PEX14: variants seen among roughly 807,000 people sequenced by gnomAD.
The protein encoded by PEX14 is peroxisomal biogenesis factor 14.
Under a neutral mutation model 49.5 loss-of-function variants are expected in PEX14, and 15 were observed. The ratio of observed to expected loss-of-function variants is 0.30; its 90% CI spans 0.20 to 0.47. PEX14 has a LOEUF of 0.47. Among genes scored for constraint, PEX14 ranks in the 20% least tolerant of loss-of-function variants. PEX14 has a pLI of 1.00. For synonymous variants in PEX14, 210 were observed against 212.7 expected (o/e 0.99, Z 0.11); for missense variants, 398 against 494.8 (o/e 0.80, Z 1.86).
intron 2 of PEX14, among the ~76,000 whole-genome samples, chr1:10,519,361 A>T (rs1642026435): frequency 6.6e-6 from 1 of 152,062 alleles, no homozygotes; most frequent in Admixed American, 6.5e-5. Context: ...AAGCAAACAG[A>T]ATGCTCTTTG....
intron 3 of PEX14, among the ~76,000 whole-genome samples, chr1:10,563,035 C>T (rs1028771453): frequency 2.7e-5 from 4 of 150,880 alleles, no homozygotes; most frequent in Non-Finnish European, 4.4e-5. Context: ...CCTCAGCCTC[C>T]TGAGTAGCTG....
rs1640856158 is a variant in PEX14, at chr1:10,597,335, A to ATTAAC, written c.170-1903_170-1902insTTAAC. Among the ~76,000 whole-genome samples, 1 of 152,220 alleles carries ATTAAC rather than the reference A, an allele frequency of 6.6e-6. No individual in the cohort carries two copies. Reference sequence around the variant, plus strand: ...CTAATGGCTGATTATGAACTGGTTAAAACAATGTCTTTCCCACCAGGGCTC... The same window carrying ATTAAC: ...CTAATGGCTGATTATGAACTGGTTAATTAACAACAATGTCTTTCCCACCAGGGCTC... On this transcript the variant is annotated intron_variant, in intron 3 of 8. Transcript: ENST00000356607. This position sits in a 1 kb window ranked among gnomAD's most constrained non-coding sequence, Gnocchi z 5.7.
At chr1:10,618,455 G>T in intron 5 of PEX14, 38 bp downstream of exon 5, 1 of 1,482,932 alleles carries the variant, frequency 6.7e-7, no homozygotes, top group Non-Finnish European at 9.4e-7. Flanking sequence ...CTGTGCCCCT[G>T]CCACCCTGTG....
chr1:10,551,682 A>G (rs931082499), intron 3 of PEX14, among the ~76,000 whole-genome samples: 1 of 152,244 alleles, frequency 6.6e-6, no homozygotes, highest in Non-Finnish European at 1.5e-5. Context: ...TCACTTGTGA[A>G]TGATGCATTG....
At position 10,487,481 on chromosome 1, in the gene PEX14, C is replaced by CTTTTTTTT. The variant is rs33968565; in HGVS notation, c.37-7778_37-7771dup. Reference sequence around the variant, plus strand: ...ATACTTTATTACTTTTTCTTTCTTTCTTTTTTTTTTTTTTTTTTTTTTGAG... The same window carrying CTTTTTTTT: ...ATACTTTATTACTTTTTCTTTCTTTCTTTTTTTTTTTTTTTTTTTTTTTTTTTTTTGAG... On this transcript the variant is annotated intron_variant, in intron 1 of 8. Coordinates refer to ENST00000356607, the MANE Select transcript of PEX14 (RefSeq NM_004565.3). 3.4e-3 allele frequency among the ~76,000 whole-genome samples: 296 copies of CTTTTTTTT among 86,748 alleles called. 1 individual carries two copies. The highest frequency in any genetic ancestry group is 0.014 in the Middle Eastern group (1 of 74). 56.9% of individuals were successfully genotyped at this position (86,748 alleles called of 152,430 possible).
intron 2 of PEX14, among the ~76,000 whole-genome samples, chr1:10,500,241 T>TA (rs1280986298): frequency 0.05 from 6,934 of 137,814 alleles, 547 homozygotes; most frequent in African/African-American, 0.17. Flanking sequence ...CGTCTCTACT[T>TA]AAAAAAAAAA....
intron 3 of PEX14, among the ~76,000 whole-genome samples, chr1:10,587,089 A>G (rs1640515616): frequency 6.6e-6 from 1 of 152,158 alleles, no homozygotes. Context: ...CACCGTGGGA[A>G]AATTCATTAA....
chr1:10,540,801 C>T (rs1260891709), intron 3 of PEX14, among the ~76,000 whole-genome samples: 1 of 152,110 alleles, frequency 6.6e-6, no homozygotes, highest in Non-Finnish European at 1.5e-5. Context: ...TGCGTGTGGC[C>T]CATTTCCTCA....
At chr1:10,563,796 C>T in intron 3 of PEX14, among the ~76,000 whole-genome samples, 1 of 151,970 alleles carries the variant, frequency 6.6e-6, no homozygotes, top group East Asian at 1.9e-4. Context: ...CCTGTAGTTC[C>T]AGCTACTCGG....
At chr1:10,601,668 G>C (rs994312343) in intron 4 of PEX14, among the ~76,000 whole-genome samples, 1 of 152,178 alleles carries the variant, frequency 6.6e-6, no homozygotes, top group Non-Finnish European at 1.5e-5. Context: ...CCTGTATTTG[G>C]GCTACTGGGT....
At chr1:10,535,404 C>T (rs1638770272) in intron 2 of PEX14, among the ~76,000 whole-genome samples, 1 of 152,230 alleles carries the variant, frequency 6.6e-6, no homozygotes, top group African/African-American at 2.4e-5. Flanking sequence ...ATCTGTCAAT[C>T]TGTCAGCTTT....
At chr1:10,509,415 C>T (rs904890946) in intron 2 of PEX14, among the ~76,000 whole-genome samples, 1 of 152,180 alleles carries the variant, frequency 6.6e-6, no homozygotes, top group Non-Finnish European at 1.5e-5. Flanking sequence ...ATTATTATTT[C>T]TATTGGATTT....
intron 4 of PEX14, among the ~76,000 whole-genome samples, chr1:10,610,810 A>G (rs1641258955): frequency 6.6e-6 from 1 of 151,990 alleles, no homozygotes; most frequent in South Asian, 2.1e-4. Flanking sequence ...AAATGGGTAT[A>G]TTTTAGACTT....
At chr1:10,583,668 G>GTCA (rs149967263) in intron 3 of PEX14, among the ~76,000 whole-genome samples, 3 of 3,370 alleles carry the variant, frequency 8.9e-4, no homozygotes, top group East Asian at 4.5e-3. Flanking sequence ...ATATAAACAT[G>GTCA]AGTAAGAGCA....
chr1:10,531,212 C>A lies in PEX14; in HGVS notation c.85-5001C>A, dbSNP rs141876865. Among the ~76,000 whole-genome samples the A allele has an allele frequency of 9.9e-5, 15 of 152,238 alleles. 1 individual carries two copies. In the East Asian group the frequency reaches 2.9e-3, roughly 29 times the overall value. ...TGAGATATATAGCTTCATAATTAGC[C>A]CGTTGCATTTTTTCACGAGTGCTAG... is the stretch of plus-strand genomic sequence containing the variant. On this transcript the variant is annotated intron_variant, in intron 2 of 8. Transcript: ENST00000356607.
At chr1:10,589,706 C>T (rs1233758391) in intron 3 of PEX14, among the ~76,000 whole-genome samples, 1 of 152,158 alleles carries the variant, frequency 6.6e-6, no homozygotes, top group East Asian at 1.9e-4. Flanking sequence ...AGCCACTGAG[C>T]CTGGCTTTCT....
At chr1:10,551,240 C>T (rs1158048196) in intron 3 of PEX14, among the ~76,000 whole-genome samples, 2 of 152,226 alleles carry the variant, frequency 1.3e-5, no homozygotes, top group South Asian at 2.1e-4. Context: ...TATTGAATTT[C>T]GCCAAAAATG....
At position 10,514,322 on chromosome 1, in the gene PEX14, G is replaced by A. The variant is rs1641936482; in HGVS notation, c.84+19001G>A. ...GCCCACGTATTGTGCATCTGTATGT[G>A]TGTATGTGCGAGCGCCTGTGTACGC... is the stretch of plus-strand genomic sequence containing the variant. On this transcript the variant is annotated intron_variant, in intron 2 of 8. Transcript: ENST00000356607. This position sits in a 1 kb window ranked among gnomAD's most constrained non-coding sequence, Gnocchi z 4.4. 6.6e-6 allele frequency among the ~76,000 whole-genome samples: 1 copy of A among 152,126 alleles called. No individual in the cohort carries two copies. Among genetic ancestry groups the A allele is most frequent in the Admixed American group, 6.5e-5 (1 of 15,272 alleles).
Position 10,495,143 on chromosome 1 carries a change from T to C in PEX14, c.37-131T>C. 3 of 1,557,494 alleles carry C rather than the reference T, an allele frequency of 1.9e-6. No individual in the cohort carries two copies. The highest frequency in any genetic ancestry group is 2.6e-6 in the Non-Finnish European group (3 of 1,149,296). On this transcript the variant is annotated intron_variant, in intron 1 of 8. Coordinates refer to ENST00000356607, the MANE Select transcript of PEX14 (RefSeq NM_004565.3). This position sits in a 1 kb window ranked among gnomAD's most constrained non-coding sequence, Gnocchi z 4.2. ...TAGTCCACTGCAAAATACTCTTGTG[T>C]CGTGAAAAACCAGTGAGAGATGTGA...
Sources: allele counts gnomAD v4.1 joint callset (sites outside exome capture counted in the v4.1 genomes callset), GRCh38; gene constraint gnomAD v4.1.1; non-coding constraint Gnocchi (gnomAD v3.1); transcripts MANE v1.5; gene names NCBI Gene and HGNC (gene_info 2026-07-23, HGNC 2026-07-21).